Variants in EYS observed in about 807,000 individuals in gnomAD.
EYS encodes the protein protein eyes shut homolog.
EYS carries 250 observed loss-of-function variants against 282.1 expected under a neutral mutation model. The ratio of observed to expected loss-of-function variants is 0.89; its 90% CI spans 0.80 to 0.98. EYS has a LOEUF of 0.98. Among genes scored for constraint, EYS ranks in the 50% least tolerant of loss-of-function variants. The pLI is 0.00. For missense variants in EYS, 4,016 were observed against 3,709.0 expected, an observed-to-expected ratio of 1.08 and a Z score of -2.15; for synonymous variants, 1,355 against 1,282.9, an observed-to-expected ratio of 1.06 and a Z score of -1.20.
intron 12 of EYS, among the ~76,000 whole-genome samples, chr6:65,104,188 T>C (rs1262892281): frequency 6.6e-6 from 1 of 151,488 alleles, no homozygotes; most frequent in African/African-American, 2.4e-5. Flanking sequence ...CTATCATCAC[T>C]TCCAATGTTT....
At chr6:65,173,418 G>A (rs1286377063) in intron 12 of EYS, among the ~76,000 whole-genome samples, 3 of 147,280 alleles carry the variant, frequency 2.0e-5, no homozygotes, top group African/African-American at 2.6e-5. Context: ...AAAATAGAAC[G>A]GGGGACTCAC....
At chr6:64,813,193 T>C (rs1412338358) in intron 22 of EYS, among the ~76,000 whole-genome samples, 185 bp downstream of exon 22, 1 of 152,008 alleles carries the variant, frequency 6.6e-6, no homozygotes, top group East Asian at 1.9e-4. Context: ...TATGAATATA[T>C]GATATTTGGA....
chr6:64,832,463 G>T (rs181034885), intron 19 of EYS, among the ~76,000 whole-genome samples: 3 of 151,850 alleles, frequency 2.0e-5, no homozygotes, highest in Admixed American at 6.6e-5. Context: ...ATGCGTAGTT[G>T]TTCAATGGCA....
chr6:65,449,794 A>G (rs1240050395), intron 5 of EYS, among the ~76,000 whole-genome samples: 3 of 151,698 alleles, frequency 2.0e-5, no homozygotes, highest in East Asian at 3.9e-4. Flanking sequence ...CTGTTCTTCA[A>G]TTCTACTCTT....
intron 29 of EYS, among the ~76,000 whole-genome samples, chr6:64,310,775 AG>A (rs1293027474): frequency 1.7e-4 from 5 of 29,048 alleles, no homozygotes; most frequent in Non-Finnish European, 5.6e-4. Flanking sequence ...GTGAAAAAAA[AG>A]AGAGAGAGAG....
chr6:64,937,805 T>G (rs1768958757), intron 15 of EYS, among the ~76,000 whole-genome samples: 1 of 151,620 alleles, frequency 6.6e-6, no homozygotes. Context: ...TAATTGAAAA[T>G]ATATGTCTGG....
rs1302074558 is a variant in EYS at position 64,660,446 on chromosome 6, T to A, written c.3444-34201A>T. 2.0e-5 allele frequency among the ~76,000 whole-genome samples: 3 copies of A among 151,984 alleles called. No individual in the cohort carries two copies. In the East Asian group the frequency reaches 5.8e-4, roughly 29 times the overall value. ...CAATTAGGAAAAGAGGAAGTCAAAT[T>A]GTCCCTGTTTGCAGATGACATGATT... On this transcript the variant is annotated intron_variant, in intron 22 of 42. Transcript: ENST00000503581.
chr6:65,196,050 A>G (rs780647610), intron 12 of EYS, among the ~76,000 whole-genome samples: 13 of 152,022 alleles, frequency 8.6e-5, no homozygotes, highest in Non-Finnish European at 1.6e-4. Flanking sequence ...AGATAATTGG[A>G]TATGTAATTT....
rs189612578 is a variant in EYS at position 65,014,437 on chromosome 6, G to A, written c.2138-16734C>T. Among the ~76,000 whole-genome samples, 15 of 152,280 alleles carry A rather than the reference G, an allele frequency of 9.9e-5. 2 individuals carry two copies. The highest frequency in any genetic ancestry group is 3.4e-4 in the African/African-American group (14 of 41,568). The stretch of plus-strand genomic sequence containing the variant: ...AGAAAAGTAATACAGTCAAATATAA[G>A]GGCCACTAAGACATCTTCAGTGCTA... On this transcript the variant is annotated intron_variant, in intron 13 of 42. Coordinates refer to ENST00000503581, the MANE Select transcript of EYS (RefSeq NM_001142800.2).
chr6:64,699,805 AG>A (rs1770718229), intron 22 of EYS, among the ~76,000 whole-genome samples: 2 of 152,082 alleles, frequency 1.3e-5, no homozygotes, highest in Admixed American at 6.6e-5. Flanking sequence ...AAACTCTTCA[AG>A]AAATTCGAAG....
At chr6:64,616,100 A>G (rs560737261) in intron 24 of EYS, among the ~76,000 whole-genome samples, 1 of 152,180 alleles carries the variant, frequency 6.6e-6, no homozygotes, top group Non-Finnish European at 1.5e-5. Context: ...TTATGAAAAC[A>G]TATCATATGT....
At chr6:64,998,086 A>T (rs186725874) in intron 13 of EYS, among the ~76,000 whole-genome samples, 198 of 152,328 alleles carry the variant, frequency 1.3e-3, no homozygotes, top group African/African-American at 4.6e-3. Context: ...GGTTTAATAA[A>T]CAAGACCTTA....
intron 12 of EYS, among the ~76,000 whole-genome samples, chr6:65,112,131 A>G (rs1356178751): frequency 6.6e-6 from 1 of 152,138 alleles, no homozygotes; most frequent in African/African-American, 2.4e-5. Context: ...GCAGTCAAAA[A>G]TTGTGTTATT....
chr6:64,278,419 G>A (rs1449612044), intron 30 of EYS, among the ~76,000 whole-genome samples: 4 of 151,920 alleles, frequency 2.6e-5, no homozygotes, highest in African/African-American at 9.7e-5. Flanking sequence ...TGACATATAT[G>A]ACAATGATCA....
At chr6:64,444,261 T>A (rs899250397) in intron 26 of EYS, among the ~76,000 whole-genome samples, 3 of 152,340 alleles carry the variant, frequency 2.0e-5, no homozygotes, top group Admixed American at 2.0e-4. Flanking sequence ...CCCAGGACAC[T>A]CATTTCCTTA....
intron 15 of EYS, among the ~76,000 whole-genome samples, chr6:64,930,461 T>TAAAAAAAAAAA (rs55650031): frequency 1.6e-5 from 2 of 123,032 alleles, no homozygotes; most frequent in African/African-American, 3.0e-5. Context: ...ATAAATAAGG[T>TAAAAAAAAAAA]AAAAAAAAAA....
At chr6:65,187,145 A>G (rs560851733) in intron 12 of EYS, among the ~76,000 whole-genome samples, 3 of 151,872 alleles carry the variant, frequency 2.0e-5, no homozygotes, top group African/African-American at 7.2e-5. Flanking sequence ...AATTGTACCA[A>G]ATTTATTCTA....
intron 28 of EYS, among the ~76,000 whole-genome samples, chr6:64,435,202 C>T (rs944572582): frequency 4.0e-5 from 6 of 151,876 alleles, no homozygotes; most frequent in African/African-American, 1.5e-4. Context: ...TATTAAATAG[C>T]ATCTCAGAGT....
intron 26 of EYS, among the ~76,000 whole-genome samples, chr6:64,504,684 G>A (rs1026441286): frequency 6.6e-6 from 1 of 152,202 alleles, no homozygotes; most frequent in Non-Finnish European, 1.5e-5. Flanking sequence ...GTAAATATTT[G>A]TATGTAGAAG....
Sources: gnomAD v4.1 joint callset for allele counts (sites outside exome capture counted in the v4.1 genomes callset) on GRCh38, gnomAD v4.1.1 for gene constraint, MANE v1.5 for transcripts, NCBI Gene and HGNC (gene_info 2026-07-23, HGNC 2026-07-21) for gene names.